TPST1: variants seen among roughly 807,000 people sequenced by gnomAD.
The protein encoded by TPST1 is tyrosylprotein sulfotransferase 1.
In TPST1, 20 loss-of-function variants were observed where a neutral mutation model predicts 34.8. The ratio of observed to expected loss-of-function variants is 0.57; its 90% CI spans 0.40 to 0.84. TPST1 has a LOEUF of 0.84. Among genes scored for constraint, TPST1 ranks in the 40% least tolerant of loss-of-function variants. The pLI is 0.00. For synonymous variants in TPST1, 152 were observed against 159.4 expected (o/e 0.95, Z 0.35); for missense variants, 353 against 455.5 (o/e 0.78, Z 2.05).
intron 3 of TPST1, among the ~76,000 whole-genome samples, chr7:66,294,438 T>C (rs1483055515): frequency 6.6e-6 from 1 of 152,172 alleles, no homozygotes; most frequent in African/African-American, 2.4e-5. Flanking sequence ...ATTTATTTCA[T>C]GAGATTAATT....
chr7:66,222,416 A>G (rs1317202861), intron 1 of TPST1, among the ~76,000 whole-genome samples: 1 of 151,768 alleles, frequency 6.6e-6, no homozygotes, highest in African/African-American at 2.4e-5. Context: ...CTTGCTTTGT[A>G]TTTTATCTGG....
chr7:66,242,196 A>T (rs1354666760), intron 2 of TPST1, among the ~76,000 whole-genome samples: 1 of 152,202 alleles, frequency 6.6e-6, no homozygotes, highest in East Asian at 1.9e-4. Context: ...AGAGTTGGCT[A>T]TAACTAAATT....
intron 3 of TPST1, among the ~76,000 whole-genome samples, chr7:66,321,878 T>C (rs1791764926): frequency 6.6e-6 from 1 of 152,224 alleles, no homozygotes; most frequent in South Asian, 2.1e-4. Flanking sequence ...TAGCCTATGT[T>C]GTGAAGTGCC....
intron 4 of TPST1, among the ~76,000 whole-genome samples, chr7:66,353,139 A>C (rs141929137): frequency 1.1e-3 from 164 of 152,264 alleles, no homozygotes; most frequent in African/African-American, 3.6e-3. Flanking sequence ...ACATGGTGAA[A>C]CCTCATCTCT....
chr7:66,274,960 C>T (rs191199462), intron 2 of TPST1, among the ~76,000 whole-genome samples: 2 of 152,004 alleles, frequency 1.3e-5, no homozygotes, highest in African/African-American at 2.4e-5. Flanking sequence ...TTTGGGAGGC[C>T]GAGGTGGGTG....
At chr7:66,216,786 GT>G (rs1391024370) in intron 1 of TPST1, among the ~76,000 whole-genome samples, 1 of 152,152 alleles carries the variant, frequency 6.6e-6, no homozygotes, top group Non-Finnish European at 1.5e-5. Flanking sequence ...TCTTTTTCTA[GT>G]TTCTTAAGGG....
At chr7:66,201,270 G>A (rs527905637), upstream of TPST1, among the ~76,000 whole-genome samples, 4 of 151,730 alleles carry the variant, frequency 2.6e-5, no homozygotes, top group South Asian at 2.1e-4. Flanking sequence ...CAGGCCAGGC[G>A]TGATGGCTCA....
At chr7:66,320,576 A>T (rs1477130774) in intron 3 of TPST1, among the ~76,000 whole-genome samples, 2 of 145,786 alleles carry the variant, frequency 1.4e-5, no homozygotes, top group African/African-American at 2.5e-5. Flanking sequence ...ATTTTGTAAG[A>T]TTCATGTTTT....
chr7:66,292,814 T>C (rs1179828894), intron 3 of TPST1, among the ~76,000 whole-genome samples: 1 of 151,040 alleles, frequency 6.6e-6, no homozygotes, highest in Non-Finnish European at 1.5e-5. Flanking sequence ...AAATCACCCG[T>C]CTTCTGCGTC....
chr7:66,216,017 C>T (rs1267999017), intron 1 of TPST1, among the ~76,000 whole-genome samples: 2 of 151,938 alleles, frequency 1.3e-5, no homozygotes. Context: ...GTGATCCGCC[C>T]GCCTTGGCCT....
intron 3 of TPST1, among the ~76,000 whole-genome samples, chr7:66,338,098 T>TGG (rs953385268): frequency 2.0e-5 from 3 of 152,182 alleles, no homozygotes; most frequent in Admixed American, 6.5e-5. Context: ...GAAACTCACT[T>TGG]CATCTGTAAA....
At chr7:66,262,251 C>G (rs1351853609) in intron 2 of TPST1, among the ~76,000 whole-genome samples, 1 of 152,124 alleles carries the variant, frequency 6.6e-6, no homozygotes, top group Non-Finnish European at 1.5e-5. Flanking sequence ...GACAAATAGC[C>G]CTTAGTTACT....
intron 1 of TPST1, among the ~76,000 whole-genome samples, chr7:66,215,302 C>T (rs529873821): frequency 7.3e-5 from 11 of 150,210 alleles, no homozygotes; most frequent in African/African-American, 2.7e-4. Context: ...ATCTGCCCAC[C>T]TCAACCTCCC....
chr7:66,351,125 T>G (rs1481874869), intron 3 of TPST1, among the ~76,000 whole-genome samples: 4 of 152,200 alleles, frequency 2.6e-5, no homozygotes, highest in Non-Finnish European at 5.9e-5. Context: ...GCAAACAGTA[T>G]CCTGATTTCT....
intron 1 of TPST1, among the ~76,000 whole-genome samples, chr7:66,214,126 T>C (rs1162120768): frequency 1.3e-5 from 2 of 152,068 alleles, no homozygotes; most frequent in East Asian, 3.8e-4. Flanking sequence ...TTTTAGAACA[T>C]TTTTACTACC....
intron 1 of TPST1, among the ~76,000 whole-genome samples, chr7:66,210,568 T>C (rs1165355033): frequency 6.6e-6 from 1 of 152,196 alleles, no homozygotes; most frequent in Non-Finnish European, 1.5e-5. Flanking sequence ...TTAAAGATGC[T>C]TCCCATGAGA....
chr7:66,212,145 G>T (rs1000921073), intron 1 of TPST1, among the ~76,000 whole-genome samples: 1 of 152,142 alleles, frequency 6.6e-6, no homozygotes, highest in Admixed American at 6.6e-5. Flanking sequence ...TATTTCATAC[G>T]ATTAAGGTAT....
At chr7:66,259,915 A>G (rs1396830657) in intron 2 of TPST1, among the ~76,000 whole-genome samples, 1 of 152,078 alleles carries the variant, frequency 6.6e-6, no homozygotes, top group Non-Finnish European at 1.5e-5. Context: ...CCCCCTATTT[A>G]TCCTTTCCTT....
At chr7:66,278,566 C>T (rs1288125378) in intron 2 of TPST1, among the ~76,000 whole-genome samples, 1 of 152,002 alleles carries the variant, frequency 6.6e-6, no homozygotes, top group Non-Finnish European at 1.5e-5. Context: ...GGGCGGATCA[C>T]GAGGTCAGGA....
Sources: allele counts gnomAD v4.1 joint callset (sites outside exome capture counted in the v4.1 genomes callset), GRCh38; gene constraint gnomAD v4.1.1; transcripts MANE v1.5; gene names NCBI Gene and HGNC (gene_info 2026-07-23, HGNC 2026-07-21).